The following DENND4C variants were observed in gnomAD, a reference collection of about 807,000 sequenced individuals.
DENND4C encodes the protein DENN domain-containing protein 4C.
Under a neutral mutation model 203.0 loss-of-function variants are expected in DENND4C, and 108 were observed. That is an observed-to-expected ratio of 0.53 (90% confidence interval 0.46 to 0.62). The LOEUF is 0.62. Ranked by LOEUF, DENND4C falls within the 20% of genes least tolerant of loss-of-function variation. DENND4C has a pLI of 0.00. For missense variants in DENND4C, 2,481 were observed against 2,301.2 expected, an observed-to-expected ratio of 1.08 and a Z score of -1.60; for synonymous variants, 871 against 792.4, an observed-to-expected ratio of 1.10 and a Z score of -1.67.
rs557899697 is a variant in DENND4C at position 19,289,312 on chromosome 9, A to G, written c.628+647A>G. 2.6e-5 allele frequency among the ~76,000 whole-genome samples: 4 copies of G among 152,318 alleles called. No individual in the cohort carries two copies. The East Asian group carries it at 7.7e-4, about 29-fold the overall frequency. On this transcript the variant is annotated intron_variant, in intron 4 of 32. Coordinates refer to ENST00000434457, the MANE Select transcript of DENND4C (RefSeq NM_001330640.2). ...ACAGGTATGCTCCAGTTGTAAATAGAAAAGATACTGGAATACTTCTTTGTG... is the reference window on the plus strand; with the variant it reads ...ACAGGTATGCTCCAGTTGTAAATAGGAAAGATACTGGAATACTTCTTTGTG...
rs189231626 is a variant in DENND4C, at chr9:19,366,650, A to G, written c.5525-3187A>G. On this transcript the variant is annotated intron_variant, in intron 30 of 32. Transcript: ENST00000434457. ...CACGTGCTGGGACAACAGGCTAGCA[A>G]TAATAAAAAGAATGAAATTGGATAC... Among the ~76,000 whole-genome samples the G allele has an allele frequency of 2.6e-5, 4 of 152,330 alleles. No homozygotes were observed. The East Asian group carries it at 7.7e-4, about 29-fold the overall frequency.
chr9:19,295,430 A>G (rs1437662646), intron 5 of DENND4C, among the ~76,000 whole-genome samples: 1 of 152,028 alleles, frequency 6.6e-6, no homozygotes, highest in African/African-American at 2.4e-5. Context: ...GCGTGAACCC[A>G]GGAGGTGGAG....
intron 1 of DENND4C, among the ~76,000 whole-genome samples, chr9:19,246,441 A>T (rs1230219609): frequency 2.0e-5 from 3 of 152,052 alleles, no homozygotes; most frequent in African/African-American, 7.2e-5. Context: ...GAAAATTATT[A>T]TTATTTTTTA....
intron 1 of DENND4C, among the ~76,000 whole-genome samples, chr9:19,245,564 T>C (rs1824990047): frequency 7.1e-6 from 1 of 140,454 alleles, no homozygotes; most frequent in Non-Finnish European, 1.6e-5. Context: ...CTTAAAAAAT[T>C]GTAAGCATTG....
At chr9:19,334,879 C>T in intron 17 of DENND4C, 98 bp from the exon 18 acceptor site, 3 of 1,226,692 alleles carry the variant, frequency 2.4e-6, no homozygotes, top group Non-Finnish European at 3.3e-6. Context: ...GGAGAAAATA[C>T]TGCTTAATAA....
chr9:19,237,565 G>A (rs1241763995), intron 1 of DENND4C, among the ~76,000 whole-genome samples: 1 of 151,892 alleles, frequency 6.6e-6, no homozygotes, highest in Non-Finnish European at 1.5e-5. Context: ...CAATGTGTTA[G>A]CCAGGATGGT....
Position 19,337,673 on chromosome 9 carries a change from G to A in DENND4C, c.2881+841G>A, listed in dbSNP as rs564617451. On this transcript the variant is annotated intron_variant, in intron 20 of 32. Transcript: ENST00000434457. Reference sequence around the variant, plus strand: ...TACCCTTGAATGTTAACCACATCAGGTAATTTCCCATTTATTAGGTTAAAT... The same window carrying A: ...TACCCTTGAATGTTAACCACATCAGATAATTTCCCATTTATTAGGTTAAAT... 8.2e-4 allele frequency: 1,060 copies of A among 1,288,314 alleles called. 1 individual carries two copies. Among genetic ancestry groups the A allele is most frequent in the Non-Finnish European group, 1.0e-3 (1,030 of 988,390 alleles). The allele number at this position is 1,288,314 out of a possible 1,614,324, so 79.8% of individuals were successfully genotyped here.
chr9:19,366,547 T>C (rs1270242159), intron 30 of DENND4C, among the ~76,000 whole-genome samples: 1 of 152,094 alleles, frequency 6.6e-6, no homozygotes, highest in African/African-American at 2.4e-5. Flanking sequence ...GAGCTTGCAG[T>C]GAGCCAAGAT....
chr9:19,281,942 A>G (rs1324399035), intron 2 of DENND4C, among the ~76,000 whole-genome samples: 1 of 152,226 alleles, frequency 6.6e-6, no homozygotes, highest in Non-Finnish European at 1.5e-5. Context: ...ACACCTGTAT[A>G]GGGCACTTAC....
At chr9:19,252,887 C>T (rs1485330220) in intron 1 of DENND4C, among the ~76,000 whole-genome samples, 1 of 152,134 alleles carries the variant, frequency 6.6e-6, no homozygotes, top group African/African-American at 2.4e-5. Flanking sequence ...AGGCACGAGC[C>T]GCCACACCTG....
At chr9:19,351,165 A>G (rs929699114) in intron 24 of DENND4C, among the ~76,000 whole-genome samples, 2 of 152,106 alleles carry the variant, frequency 1.3e-5, no homozygotes, top group Admixed American at 6.6e-5. Context: ...CTTATGATCT[A>G]TTCTGATCTT....
chr9:19,244,933 T>C (rs1733058149), intron 1 of DENND4C, among the ~76,000 whole-genome samples: 1 of 152,190 alleles, frequency 6.6e-6, no homozygotes, highest in Non-Finnish European at 1.5e-5. Context: ...GTGAAATACT[T>C]TGAGCACAGC....
intron 15 of DENND4C, among the ~76,000 whole-genome samples, chr9:19,327,639 A>AT (rs555071873): frequency 1.4e-3 from 211 of 151,984 alleles, no homozygotes; most frequent in African/African-American, 4.7e-3. Flanking sequence ...AATTTTATGG[A>AT]TTTTTTTTAT....
intron 1 of DENND4C, among the ~76,000 whole-genome samples, chr9:19,270,165 C>T (rs1483748939): frequency 1.3e-5 from 2 of 152,130 alleles, no homozygotes; most frequent in Non-Finnish European, 2.9e-5. Flanking sequence ...GGAGGAGTGA[C>T]ACAAGCACCC....
chr9:19,260,129 T>C (rs754621513), intron 1 of DENND4C, among the ~76,000 whole-genome samples: 2 of 152,218 alleles, frequency 1.3e-5, no homozygotes, highest in Admixed American at 6.5e-5. Flanking sequence ...GCATTTGTTA[T>C]TGCCTGTCTT....
chr9:19,266,981 G>T (rs1005553709), intron 1 of DENND4C, among the ~76,000 whole-genome samples: 1 of 152,066 alleles, frequency 6.6e-6, no homozygotes, highest in Non-Finnish European at 1.5e-5. Flanking sequence ...CCTATTTGAC[G>T]TACTTTCAGT....
At chr9:19,243,537 C>G (rs1442520258) in intron 1 of DENND4C, among the ~76,000 whole-genome samples, 3 of 152,138 alleles carry the variant, frequency 2.0e-5, no homozygotes, top group African/African-American at 7.2e-5. Context: ...TCTCCTAGTC[C>G]CTGCTGCCCA....
At chr9:19,326,275 C>G (rs2131695699) in intron 15 of DENND4C, 81 bp downstream of exon 15, 1 of 1,411,780 alleles carries the variant, frequency 7.1e-7, no homozygotes, top group East Asian at 2.4e-5. Context: ...GTATATTAGT[C>G]TTTTGTGAAA....
intron 1 of DENND4C, among the ~76,000 whole-genome samples, chr9:19,252,850 C>G (rs1826989204): frequency 6.6e-6 from 1 of 152,082 alleles, no homozygotes; most frequent in Admixed American, 6.6e-5. Flanking sequence ...ATTCTCATGC[C>G]TCAGCCTTCC....
Sources: gnomAD v4.1 joint callset for allele counts (sites outside exome capture counted in the v4.1 genomes callset) on GRCh38, gnomAD v4.1.1 for gene constraint, MANE v1.5 for transcripts, NCBI Gene and HGNC (gene_info 2026-07-23, HGNC 2026-07-21) for gene names.